The following U2SURP variants were observed in gnomAD, a reference collection of about 807,000 sequenced individuals.
The protein encoded by U2SURP is U2 snRNP associated SURP domain containing, also known as U2 snRNP-associated SURP motif-containing protein.
Under a neutral mutation model 144.9 loss-of-function variants are expected in U2SURP, and 9 were observed. The observed-to-expected ratio is 0.06, with a 90% CI of 0.04 to 0.11. The LOEUF (loss-of-function observed/expected upper bound fraction) is 0.11, where lower values mean the gene tolerates loss of function less well. U2SURP is among the 10% of genes least tolerant of loss of function. The pLI is 1.00. For synonymous variants in U2SURP, 408 were observed against 396.8 expected, an observed-to-expected ratio of 1.03 and a Z score of -0.33; for missense variants, 724 against 1,226.7, an observed-to-expected ratio of 0.59 and a Z score of 6.12.
At chr3:143,026,991 A>G in intron 13 of U2SURP, 158 bp from the exon 14 acceptor site, 1 of 577,574 alleles carries the variant, frequency 1.7e-6, no homozygotes, top group Non-Finnish European at 3.1e-6. Flanking sequence ...TTAATGCACA[A>G]GGCATTAACA....
At chr3:143,004,558 C>CCAGGCTGGTCTGGAA (rs569993190) in intron 1 of U2SURP, among the ~76,000 whole-genome samples, 18,193 of 100,402 alleles carry the variant, frequency 0.18, 4,183 homozygotes, top group African/African-American at 0.41. Flanking sequence ...CATCTGTTGG[C>CCAGGCTGGTCTGGAA]CTCTTGACCT....
At chr3:143,024,345 G>A in intron 13 of U2SURP, 1 of 369,172 alleles carries the variant, frequency 2.7e-6, no homozygotes. Flanking sequence ...GTAAATTTCA[G>A]ATAACGTTAC....
chr3:143,033,460 G>A, intron 18 of U2SURP, 110 bp downstream of exon 18: 1 of 598,796 alleles, frequency 1.7e-6, no homozygotes, highest in East Asian at 3.0e-5. Context: ...AGTACAGTCA[G>A]CCCTCCATGT....
Position 143,004,353 on chromosome 3 carries a change from G to GTTTT in U2SURP, c.45+2705_45+2708dup, listed in dbSNP as rs869186497. The stretch of plus-strand genomic sequence containing the variant: ...CCTCTACAGGTCTTCTAGTTGGGGT[G>GTTTT]TTTTTTTTTTTTTTTTTTTTTTTTT... On this transcript the variant is annotated intron_variant, in intron 1 of 27. Coordinates refer to ENST00000473835, the MANE Select transcript of U2SURP (RefSeq NM_001080415.2). 1.8e-4 allele frequency among the ~76,000 whole-genome samples: 15 copies of GTTTT among 83,426 alleles called. 1 individual carries two copies. The highest frequency in any genetic ancestry group is 3.3e-4 in the African/African-American group (8 of 23,994). The allele number at this position is 83,426 out of a possible 152,430, so 54.7% of individuals were successfully genotyped here.
chr3:143,017,140 TA>T (rs1256383063), intron 6 of U2SURP, 165 bp downstream of exon 6: 9 of 514,568 alleles, frequency 1.7e-5, no homozygotes, highest in Admixed American at 4.3e-5. Flanking sequence ...AGATGAGAGT[TA>T]ATGAATTGGG....
At chr3:143,031,555 A>ATTT (rs763645289) in intron 16 of U2SURP, among the ~76,000 whole-genome samples, 1 of 151,314 alleles carries the variant, frequency 6.6e-6, no homozygotes, top group African/African-American at 2.4e-5. Context: ...GATTGTTAGC[A>ATTT]TTTTTAACAA....
At chr3:143,051,927 C>T (rs1242789066) in intron 25 of U2SURP, among the ~76,000 whole-genome samples, 10 of 152,046 alleles carry the variant, frequency 6.6e-5, no homozygotes, top group Non-Finnish European at 1.2e-4. Flanking sequence ...TTTAGCTATA[C>T]GGTTCCTATA....
chr3:143,004,890 T>C (rs1417816408), intron 1 of U2SURP, among the ~76,000 whole-genome samples: 1 of 152,098 alleles, frequency 6.6e-6, no homozygotes, highest in East Asian at 1.9e-4. Flanking sequence ...GTTGATGTTA[T>C]GTAGTAGCTT....
At chr3:143,004,164 T>C (rs1935696884) in intron 1 of U2SURP, among the ~76,000 whole-genome samples, 1 of 152,124 alleles carries the variant, frequency 6.6e-6, no homozygotes, top group African/African-American at 2.4e-5. Context: ...AGTGAACAGA[T>C]ACTTCTGTTT....
intron 12 of U2SURP, among the ~76,000 whole-genome samples, 171 bp from the exon 13 acceptor site, chr3:143,023,804 A>G (rs1460917623): frequency 6.6e-6 from 1 of 152,228 alleles, no homozygotes; most frequent in African/African-American, 2.4e-5. Flanking sequence ...GAACACATCC[A>G]TTTGCATTTA....
chr3:143,045,387 AAAG>A (rs1379721419), intron 24 of U2SURP, among the ~76,000 whole-genome samples: 20 of 151,084 alleles, frequency 1.3e-4, no homozygotes, highest in Non-Finnish European at 1.3e-4. Flanking sequence ...AAAAAAAAAA[AAAG>A]AGCACTCCCT....
chr3:143,029,955 T>C (rs1216790004), intron 16 of U2SURP, among the ~76,000 whole-genome samples: 7 of 152,180 alleles, frequency 4.6e-5, no homozygotes, highest in African/African-American at 1.7e-4. Context: ...CCCACTCTCT[T>C]CAATTCTGTG....
intron 10 of U2SURP, 28 bp downstream of exon 10, chr3:143,021,583 T>C: frequency 6.3e-7 from 1 of 1,584,206 alleles, no homozygotes; most frequent in South Asian, 1.1e-5. Context: ...GAATGTTGAT[T>C]GATATGCTTT....
intron 27 of U2SURP, among the ~76,000 whole-genome samples, 166 bp downstream of exon 27, chr3:143,055,285 C>A (rs1347080048): frequency 1.3e-5 from 2 of 151,840 alleles, no homozygotes; most frequent in Non-Finnish European, 2.9e-5. Context: ...ACCTCCTCAT[C>A]CCAATCTCTT....
In U2SURP at chr3:143,019,956, A is replaced by C; in HGVS notation, c.571-13A>C. 1 of 1,462,878 alleles carries C rather than the reference A, an allele frequency of 6.8e-7. No homozygotes were observed. Among genetic ancestry groups the C allele is most frequent in the Non-Finnish European group, 9.2e-7 (1 of 1,091,468 alleles). 90.6% of individuals were successfully genotyped at this position (1,462,878 alleles called of 1,614,324 possible). On this transcript the variant is annotated splice_polypyrimidine_tract_variant and intron_variant, in intron 6 of 27. Coordinates refer to ENST00000473835, the MANE Select transcript of U2SURP (RefSeq NM_001080415.2). ...CCTTTTGTTTGAAGTATAACTTGTC[A>C]TATCCTTTATAGCCACTTAAAAAAG...
intron 26 of U2SURP, among the ~76,000 whole-genome samples, chr3:143,054,419 A>G (rs996781974): frequency 3.3e-5 from 5 of 152,214 alleles, no homozygotes; most frequent in Admixed American, 1.3e-4. Flanking sequence ...AGTTATGCCA[A>G]TTGGTTAAAA....
chr3:143,046,340 A>G (rs1201342187), intron 24 of U2SURP, among the ~76,000 whole-genome samples: 8 of 32,400 alleles, frequency 2.5e-4, no homozygotes, highest in African/African-American at 1.0e-3. Context: ...TTTTTTTTTT[A>G]TTGATCATTC....
Position 143,020,746 on chromosome 3 carries a change from C to T in U2SURP, c.733+53C>T. On this transcript the variant is annotated intron_variant, in intron 8 of 27. Coordinates refer to ENST00000473835, the MANE Select transcript of U2SURP (RefSeq NM_001080415.2). ...GCTTGTGATTAATTACAGTAGTTCCCACCTTATCCGTGGCGGGTTACATTC... is the reference window on the plus strand; with the variant it reads ...GCTTGTGATTAATTACAGTAGTTCCTACCTTATCCGTGGCGGGTTACATTC... 4 of 1,377,208 alleles carry T rather than the reference C, an allele frequency of 2.9e-6. No individual in the cohort carries two copies. In the Admixed American group the frequency reaches 5.6e-5, roughly 19 times the overall value. 85.3% of individuals were successfully genotyped at this position (1,377,208 alleles called of 1,614,324 possible).
At chr3:143,017,912 A>G (rs1936451060) in intron 6 of U2SURP, among the ~76,000 whole-genome samples, 1 of 151,768 alleles carries the variant, frequency 6.6e-6, no homozygotes, top group Non-Finnish European at 1.5e-5. Context: ...ACGCCTGGCT[A>G]AAATTTATCC....
Sources: gnomAD v4.1 joint callset for allele counts (sites outside exome capture counted in the v4.1 genomes callset) on GRCh38, gnomAD v4.1.1 for gene constraint, MANE v1.5 for transcripts, NCBI Gene and HGNC (gene_info 2026-07-23, HGNC 2026-07-21) for gene names.